MCCC1: variants seen among roughly 807,000 people sequenced by gnomAD.
MCCC1 encodes the protein methylcrotonoyl-CoA carboxylase subunit alpha, mitochondrial.
MCCC1 carries 64 observed loss-of-function variants against 83.8 expected under a neutral mutation model. The observed-to-expected ratio is 0.76, with a 90% CI of 0.62 to 0.94. The LOEUF is 0.94. Among genes scored for constraint, MCCC1 ranks in the 40% least tolerant of loss-of-function variants. MCCC1 has a pLI of 0.00. For synonymous variants in MCCC1, 322 were observed against 315.4 expected (o/e 1.02, Z -0.22); for missense variants, 807 against 904.7 (o/e 0.89, Z 1.39).
At chr3:183,112,956 T>G (rs918807161) in intron 1 of MCCC1, among the ~76,000 whole-genome samples, 1 of 151,712 alleles carries the variant, frequency 6.6e-6, no homozygotes. Flanking sequence ...CCGGGCACGG[T>G]GGCTCACGCC....
At chr3:183,055,337 G>A (rs13075011) in intron 8 of MCCC1, among the ~76,000 whole-genome samples, 1 of 151,900 alleles carries the variant, frequency 6.6e-6, no homozygotes, top group Admixed American at 6.6e-5. Flanking sequence ...TTAAACCCGC[G>A]AGGCGGAGGA....
upstream of MCCC1, among the ~76,000 whole-genome samples, chr3:183,103,098 T>G (rs1249876972): frequency 2.6e-5 from 4 of 152,014 alleles, no homozygotes; most frequent in Non-Finnish European, 5.9e-5. Context: ...TTCCTTCTGA[T>G]GTTTGGATGT....
chr3:183,016,021 C>T (rs1388522279), intron 18 of MCCC1, among the ~76,000 whole-genome samples: 2 of 151,428 alleles, frequency 1.3e-5, no homozygotes, highest in Admixed American at 6.6e-5. Context: ...CTCTGCCTCC[C>T]GGGTTCAAGC....
chr3:183,061,230 T>C (rs1367306898), intron 7 of MCCC1, among the ~76,000 whole-genome samples: 2 of 152,208 alleles, frequency 1.3e-5, no homozygotes, highest in African/African-American at 2.4e-5. Context: ...CCTGTGTTTG[T>C]GCTGCGAAGT....
chr3:183,104,070 G>A (rs1376701158), upstream of MCCC1, among the ~76,000 whole-genome samples: 2 of 152,158 alleles, frequency 1.3e-5, no homozygotes, highest in African/African-American at 4.8e-5. Context: ...ACGCCCACCC[G>A]GAACTCCAGC....
chr3:183,100,229 T>TA (rs2108579177), upstream of MCCC1, among the ~76,000 whole-genome samples: 1 of 152,210 alleles, frequency 6.6e-6, no homozygotes, highest in South Asian at 2.1e-4. Context: ...AGGAAACAAA[T>TA]TATAGATTTG....
rs1716635890 is a variant in MCCC1 at position 183,071,067 on chromosome 3, T to C, written c.693A>G (p.Ala231=). ...EQEFQEQLES[A]RREAKKSFND... is the part of the protein sequence containing the mutation. ...TGAAAGACTTCTTAGCTTCTCTCCG[T>C]GCTGACTCTAACTGTTCTTGAAATT... is the stretch of plus-strand genomic sequence containing the variant. The change falls in exon 7 of 19, where the codon GCA becomes GCG. Residue 231 remains alanine (A), a synonymous_variant. Coordinates refer to ENST00000265594, the MANE Select transcript of MCCC1 (RefSeq NM_020166.5). The C allele has an allele frequency of 5.6e-6, 9 of 1,614,220 alleles. No homozygotes were observed. The highest frequency in any genetic ancestry group is 7.6e-6 in the Non-Finnish European group (9 of 1,180,034).
chr3:183,109,862 A>T (rs1485444392), intron 1 of MCCC1, among the ~76,000 whole-genome samples: 1 of 152,208 alleles, frequency 6.6e-6, no homozygotes, highest in East Asian at 1.9e-4. Flanking sequence ...ACTAATTTAC[A>T]TTCCCACCAG....
At chr3:183,084,500 C>CA (rs1366313496) in intron 4 of MCCC1, among the ~76,000 whole-genome samples, 1 of 151,966 alleles carries the variant, frequency 6.6e-6, no homozygotes, top group African/African-American at 2.4e-5. Context: ...AAGCTGTAAC[C>CA]AAAAAAGCTT....
chr3:183,098,341 G>C (rs1245407429), intron 1 of MCCC1: 2 of 152,218 alleles, frequency 1.3e-5, no homozygotes, highest in Non-Finnish European at 2.9e-5. Context: ...CATATAAATG[G>C]TTGAGTTTGC....
intron 14 of MCCC1, among the ~76,000 whole-genome samples, chr3:183,027,392 G>A (rs1347387328): frequency 1.3e-5 from 2 of 152,196 alleles, no homozygotes; most frequent in African/African-American, 4.8e-5. Flanking sequence ...TAGTGAGGAA[G>A]GAATGTCAAA....
chr3:183,050,705 CAAAAAAAAAAA>C (rs746973567), intron 9 of MCCC1, among the ~76,000 whole-genome samples: 105 of 43,654 alleles, frequency 2.4e-3, no homozygotes, highest in African/African-American at 6.4e-3. Flanking sequence ...GACTCTGTCT[CAAAAAAAAAAA>C]AAAAAAAAAA....
intron 9 of MCCC1, among the ~76,000 whole-genome samples, chr3:183,050,057 T>G (rs954773017): frequency 6.6e-6 from 1 of 151,840 alleles, no homozygotes. Flanking sequence ...GAAGTGGAGG[T>G]TGCAGTGAGC....
rs190415182 is a variant in MCCC1, at chr3:183,030,550, A to G, written c.1681+3441T>C. ...GCCTTCTGCATACAAAACACCCACT[A>G]TGATTCTCTCCTCATCCTGGTTTAC... is the stretch of plus-strand genomic sequence containing the variant. On this transcript the variant is annotated intron_variant, in intron 14 of 18. Coordinates refer to ENST00000265594, the MANE Select transcript of MCCC1 (RefSeq NM_020166.5). 5.3e-5 allele frequency among the ~76,000 whole-genome samples: 8 copies of G among 152,262 alleles called. No homozygotes were observed. In the East Asian group the frequency reaches 1.5e-3, roughly 29 times the overall value.
intron 7 of MCCC1, among the ~76,000 whole-genome samples, chr3:183,067,597 T>G (rs976316869): frequency 6.6e-6 from 1 of 152,204 alleles, no homozygotes; most frequent in Admixed American, 6.5e-5. Context: ...TTCCTACAAT[T>G]TAGACTAACC....
At chr3:183,043,997 G>A (rs910625667) in intron 10 of MCCC1, among the ~76,000 whole-genome samples, 3 of 151,962 alleles carry the variant, frequency 2.0e-5, no homozygotes, top group Non-Finnish European at 1.5e-5. Context: ...CCTGGTTTTC[G>A]TTAACACCCT....
At chr3:183,039,189 TACA>T in intron 11 of MCCC1, 54 bp from the exon 12 acceptor site, 1 of 1,500,946 alleles carries the variant, frequency 6.7e-7, no homozygotes, top group Non-Finnish European at 9.3e-7. Context: ...AGGAATAAAA[TACA>T]ACGAGCAAGA....
At chr3:183,039,224 C>G (rs73068841) in intron 11 of MCCC1, 89 bp from the exon 12 acceptor site, 1 of 1,200,238 alleles carries the variant, frequency 8.3e-7, no homozygotes, top group East Asian at 2.4e-5. Flanking sequence ...GTACATTTCA[C>G]GCTTAATCCT....
chr3:183,072,724 C>T (rs1473648428), intron 4 of MCCC1, among the ~76,000 whole-genome samples: 3 of 152,168 alleles, frequency 2.0e-5, no homozygotes, highest in Non-Finnish European at 2.9e-5. Flanking sequence ...CATAGCAAAA[C>T]ACTGACCATT....
Sources: allele counts gnomAD v4.1 joint callset (sites outside exome capture counted in the v4.1 genomes callset), GRCh38; gene constraint gnomAD v4.1.1; transcripts MANE v1.5; gene names NCBI Gene and HGNC (gene_info 2026-07-23, HGNC 2026-07-21).